OR2T2: variants seen among roughly 807,000 people sequenced by gnomAD.
OR2T2 encodes olfactory receptor 2T2.
For synonymous variants in OR2T2, 50 were observed against 162.7 expected, an observed-to-expected ratio of 0.31 and a Z score of 5.27; for missense variants, 138 against 409.1, an observed-to-expected ratio of 0.34 and a Z score of 5.72.
chr1:248,449,327 T>G (rs1395230992), intron 2 of OR2T2: 5 of 152,364 alleles, frequency 3.3e-5, no homozygotes, highest in Admixed American at 3.3e-4. Context: ...TCAGAATGAA[T>G]TGCTCTAAGC....
At chr1:248,453,192 G>A (rs376999334) in exon 3 of OR2T2, 256 of 1,609,998 alleles carry the variant, frequency 1.6e-4, no homozygotes, top group Non-Finnish European at 1.9e-4. Flanking sequence ...AACCCTCTAC[G>A]GTACCCTCTC....
chr1:248,446,512 G>GCCCGCCCCGC (rs1479349235), intron 1 of OR2T2, 77 bp from the exon 2 acceptor site: 12 of 136,052 alleles, frequency 8.8e-5, no homozygotes, highest in African/African-American at 3.1e-4. Context: ...GACTAGATGG[G>GCCCGCCCCGC]CTCGCCTCGC....
At position 248,453,107 on chromosome 1, in the gene OR2T2, C is replaced by T. The variant is rs67700848; in HGVS notation, c.310C>T (p.Leu104Phe). ...CCTGGGCTGTGCAGTTCAGATCTTC[C>T]TCTACCTGACCCTGATTGGAGGGGA... Residue 104 changes from leucine to phenylalanine, a missense_variant, in exon 3 of 3, where the codon CTC becomes TTC. Leu to Phe is a conservative substitution (Grantham distance 22). Transcript: ENST00000642130. The T allele has an allele frequency of 0.063, 85,551 of 1,366,624 alleles. 4,140 individuals are homozygous for T. Among genetic ancestry groups the T allele is most frequent in the African/African-American group, 0.35 (19,151 of 54,448 alleles). The allele number at this position is 1,366,624 out of a possible 1,614,324, so 84.7% of individuals were successfully genotyped here.
rs777942474 is a variant in OR2T2, at chr1:248,449,828, CTTTTTT to C, written c.-22-2938_-22-2933del. 2.1e-4 allele frequency among the ~76,000 whole-genome samples: 24 copies of C among 115,256 alleles called. 1 individual carries two copies. Among genetic ancestry groups the C allele is most frequent in the Middle Eastern group, 4.1e-3 (1 of 244 alleles). The allele number at this position is 115,256 out of a possible 152,430, so 75.6% of individuals were successfully genotyped here. On this transcript the variant is annotated intron_variant, in intron 2 of 2. Transcript: ENST00000642130. The stretch of plus-strand genomic sequence containing the variant: ...GCTTTTTCTTTTTCTTTTTCTTTTT[CTTTTTT>C]TTTTTTTTTGGAAAGACTAGTTGAT...
At chr1:248,445,908 G>GT (rs1662632420) in intron 1 of OR2T2, among the ~76,000 whole-genome samples, 1 of 148,214 alleles carries the variant, frequency 6.7e-6, no homozygotes, top group Admixed American at 6.6e-5. Flanking sequence ...AAATGTAATA[G>GT]TTTAGAAGAA....
chr1:248,446,660 A>G (rs1444135188), exon 2 of OR2T2: 3 of 148,118 alleles, frequency 2.0e-5, no homozygotes, highest in Non-Finnish European at 2.9e-5. Context: ...ACGAACTGAC[A>G]CTGCTGCCCA....
At chr1:248,450,202 A>AGT (rs1380124755) in intron 2 of OR2T2, among the ~76,000 whole-genome samples, 1,281 of 102,656 alleles carry the variant, frequency 0.012, 2 homozygotes, top group African/African-American at 0.042. Context: ...CAAGCAGTGT[A>AGT]GTTCTGCTCT....
intron 2 of OR2T2, among the ~76,000 whole-genome samples, chr1:248,452,574 C>A (rs1230033482): frequency 2.3e-5 from 3 of 131,532 alleles, no homozygotes; most frequent in Non-Finnish European, 4.6e-5. Flanking sequence ...CTATGATGAC[C>A]TTTCACAGAT....
chr1:248,448,091 C>T (rs531964186), intron 2 of OR2T2, among the ~76,000 whole-genome samples: 17 of 152,276 alleles, frequency 1.1e-4, no homozygotes, highest in African/African-American at 4.1e-4. Flanking sequence ...CTCAGTTTTT[C>T]TTAATGGCTC....
intron 1 of OR2T2, among the ~76,000 whole-genome samples, chr1:248,445,925 T>C (rs772041955): frequency 6.8e-6 from 1 of 147,374 alleles, no homozygotes; most frequent in Non-Finnish European, 1.5e-5. Context: ...AGAACATGAA[T>C]AGATTTACTG....
At chr1:248,450,721 T>TGG (rs1473672906) in intron 2 of OR2T2, among the ~76,000 whole-genome samples, 2 of 151,850 alleles carry the variant, frequency 1.3e-5, no homozygotes, top group Non-Finnish European at 2.9e-5. Flanking sequence ...TAATGTATAA[T>TGG]ATCCATAATG....
At chr1:248,451,033 CT>C (rs1237854975) in intron 2 of OR2T2, among the ~76,000 whole-genome samples, 4 of 13,944 alleles carry the variant, frequency 2.9e-4, no homozygotes, top group African/African-American at 1.2e-3. Flanking sequence ...ACAAAAATTG[CT>C]TTTTTTTCTT....
chr1:248,449,816 CTTTTTCTTTTTCTTT>C (rs1662748685), intron 2 of OR2T2, among the ~76,000 whole-genome samples: 1 of 123,178 alleles, frequency 8.1e-6, no homozygotes, highest in African/African-American at 5.1e-5. Context: ...TTTTCTTTTT[CTTTTTCTTTTTCTTT>C]TTTTTTTTTT....
chr1:248,450,135 G>A (rs1166282693), intron 2 of OR2T2, among the ~76,000 whole-genome samples: 1 of 149,096 alleles, frequency 6.7e-6, no homozygotes, highest in Non-Finnish European at 1.5e-5. Flanking sequence ...ATTTGAACAT[G>A]TCACATTTGG....
At chr1:248,450,433 C>A (rs1662770237) in intron 2 of OR2T2, among the ~76,000 whole-genome samples, 1 of 147,202 alleles carries the variant, frequency 6.8e-6, no homozygotes, top group Non-Finnish European at 1.5e-5. Context: ...TTTTTACTCT[C>A]CTCTTCTGGG....
At position 248,449,868 on chromosome 1, in the gene OR2T2, A is replaced by G. The variant is rs554655162; in HGVS notation, c.-22-2908A>G. Among the ~76,000 whole-genome samples the G allele has an allele frequency of 3.5e-4, 45 of 128,520 alleles. 8 individuals carry two copies. The highest frequency in any genetic ancestry group is 1.8e-3 in the African/African-American group (45 of 24,358). 84.3% of individuals were successfully genotyped at this position (128,520 alleles called of 152,430 possible). A position where few individuals can be genotyped will look rare whatever the true frequency, so the allele number is the denominator to read the frequency against. On this transcript the variant is annotated intron_variant, in intron 2 of 2. Transcript: ENST00000642130. The stretch of plus-strand genomic sequence containing the variant: ...TGGAAAGACTAGTTGATGAAGGGGA[A>G]CCTAAGTGTCTTAGAGTGGAGAATG...
At chr1:248,449,828 CTTTT>C (rs777942474) in intron 2 of OR2T2, among the ~76,000 whole-genome samples, 6 of 115,302 alleles carry the variant, frequency 5.2e-5, no homozygotes, top group African/African-American at 3.1e-4. Context: ...TTTTCTTTTT[CTTTT>C]TTTTTTTTTT....
chr1:248,449,809 T>G (rs1310317742), intron 2 of OR2T2, among the ~76,000 whole-genome samples: 2 of 121,266 alleles, frequency 1.6e-5, no homozygotes, highest in Admixed American at 1.5e-4. Context: ...AAAAGCTTTT[T>G]CTTTTTCTTT....
At position 248,452,855 on chromosome 1, in the gene OR2T2, A is replaced by AC. The variant is rs1460634817; in HGVS notation, c.61dup (p.His21ProfsTer102). The AC allele has an allele frequency of 6.2e-7, 1 of 1,614,096 alleles. No individual in the cohort carries two copies. The highest frequency in any genetic ancestry group is 8.5e-7 in the Non-Finnish European group (1 of 1,180,064). On this transcript the variant is annotated frameshift_variant, in exon 3 of 3. Coordinates refer to ENST00000642130, the Ensembl canonical transcript of OR2T2. LOFTEE classifies it low-confidence loss of function (END_TRUNC). ...TAACTTCGTCCTCACAGGCCTCATC[A>AC]CCCATCCTGCCTTCCCCGGGCTTCT... is the stretch of plus-strand genomic sequence containing the variant.
Sources: allele counts gnomAD v4.1 joint callset (sites outside exome capture counted in the v4.1 genomes callset), GRCh38; gene constraint gnomAD v4.1.1; transcripts MANE v1.5; gene names NCBI Gene and HGNC (gene_info 2026-07-23, HGNC 2026-07-21).